CHST15: variants seen among roughly 807,000 people sequenced by gnomAD.
CHST15 encodes B cell RAG associated protein (GALNAC4S-6ST).
In CHST15, 30 loss-of-function variants were observed where a neutral mutation model predicts 53.6. That is an observed-to-expected ratio of 0.56 (90% CI 0.42 to 0.76). CHST15 has a LOEUF of 0.76. Among genes scored for constraint, CHST15 ranks in the 30% least tolerant of loss-of-function variants. The pLI is 0.00. For missense variants in CHST15, 627 were observed against 740.5 expected, an observed-to-expected ratio of 0.85 and a Z score of 1.78; for synonymous variants, 296 against 289.8, an observed-to-expected ratio of 1.02 and a Z score of -0.22.
intron 1 of CHST15, among the ~76,000 whole-genome samples, chr10:124,091,081 T>G (rs1378432896): frequency 6.6e-6 from 1 of 152,246 alleles, no homozygotes. Flanking sequence ...ACCAGCTCTG[T>G]GTGCCCATCT....
rs140979493 is a variant in CHST15 at position 124,016,237 on chromosome 10, G to A, written c.1348-3757C>T. On this transcript the variant is annotated intron_variant, in intron 6 of 7. Transcript: ENST00000435907. ...CTGCATCCGGGTGCCACAGGAAGGCGGTGAATGACTCCAGCAGGGTGTGCC... is the reference window on the plus strand; with the variant it reads ...CTGCATCCGGGTGCCACAGGAAGGCAGTGAATGACTCCAGCAGGGTGTGCC... Among the ~76,000 whole-genome samples, 494 of 152,170 alleles carry A rather than the reference G, an allele frequency of 3.2e-3. 2 individuals carry two copies. The highest frequency in any genetic ancestry group is 6.8e-3 in the Middle Eastern group (2 of 294).
At chr10:124,062,091 C>G (rs1189118420) in intron 1 of CHST15, among the ~76,000 whole-genome samples, 1 of 151,978 alleles carries the variant, frequency 6.6e-6, no homozygotes, top group Non-Finnish European at 1.5e-5. Flanking sequence ...GGACATTTTC[C>G]CTTGTCTTCT....
At chr10:124,010,831 TG>T in intron 7 of CHST15, 1 of 985,434 alleles carries the variant, frequency 1.0e-6, no homozygotes, top group Non-Finnish European at 1.2e-6. Flanking sequence ...TGCGTCTTGC[TG>T]TGAAGTGGCC....
At chr10:124,070,630 C>T (rs910960553) in intron 1 of CHST15, among the ~76,000 whole-genome samples, 12 of 152,136 alleles carry the variant, frequency 7.9e-5, no homozygotes, top group Non-Finnish European at 1.8e-4. Flanking sequence ...CTGGCCGGGG[C>T]CTCCTAAAGT....
intron 1 of CHST15, among the ~76,000 whole-genome samples, chr10:124,054,629 A>C (rs1214626477): frequency 6.6e-6 from 1 of 152,190 alleles, no homozygotes; most frequent in Non-Finnish European, 1.5e-5. Context: ...GGAGTTGGGC[A>C]GACCTGCATT....
intron 6 of CHST15, 169 bp downstream of exon 6, chr10:124,021,087 T>C: frequency 6.8e-7 from 1 of 1,475,462 alleles, no homozygotes. Flanking sequence ...GCCCATCAGT[T>C]TTCAGCTTTT....
chr10:124,077,244 G>A (rs1232091720), intron 1 of CHST15, among the ~76,000 whole-genome samples: 1 of 152,136 alleles, frequency 6.6e-6, no homozygotes, highest in South Asian at 2.1e-4. Context: ...CCTTTCCTGG[G>A]GCATGTCAGA....
intron 1 of CHST15, among the ~76,000 whole-genome samples, chr10:124,054,599 A>G (rs893144664): frequency 2.0e-5 from 3 of 152,174 alleles, no homozygotes; most frequent in African/African-American, 7.2e-5. Context: ...AGTCGAAAAT[A>G]AGACATTATG....
At chr10:124,070,447 C>T (rs1307888773) in intron 1 of CHST15, among the ~76,000 whole-genome samples, 1 of 152,168 alleles carries the variant, frequency 6.6e-6, no homozygotes, top group African/African-American at 2.4e-5. Context: ...GGCTCGATCT[C>T]GGCTCACTGC....
chr10:124,036,105 C>A lies in CHST15; in HGVS notation c.1190+2410G>T, dbSNP rs948116854. Among the ~76,000 whole-genome samples, 1 of 152,244 alleles carries A rather than the reference C, an allele frequency of 6.6e-6. No individual in the cohort carries two copies. The highest frequency in any genetic ancestry group is 6.5e-5 in the Admixed American group (1 of 15,290). On this transcript the variant is annotated intron_variant, in intron 5 of 7. Coordinates refer to ENST00000435907, the MANE Select transcript of CHST15 (RefSeq NM_001270764.2). The surrounding 1 kb of genome is among the most constrained non-coding windows in gnomAD (Gnocchi z 5.1). ...GCGACAGGAAAACATTTGATGAGCA[C>A]ACCGAGCACTTGCGCCCTTCAGCTG...
chr10:124,066,145 A>G (rs1948744134), intron 1 of CHST15, among the ~76,000 whole-genome samples: 1 of 152,174 alleles, frequency 6.6e-6, no homozygotes, highest in South Asian at 2.1e-4. Flanking sequence ...GAGTGCCTCC[A>G]TTTAATCAAT....
chr10:124,037,409 A>C, intron 5 of CHST15, among the ~76,000 whole-genome samples: 1 of 152,194 alleles, frequency 6.6e-6, no homozygotes, highest in Non-Finnish European at 1.5e-5. Flanking sequence ...GAGAAGAAAG[A>C]GGACCAATGA....
At chr10:124,022,727 C>T (rs1004390180) in intron 5 of CHST15, among the ~76,000 whole-genome samples, 1 of 152,110 alleles carries the variant, frequency 6.6e-6, no homozygotes, top group Non-Finnish European at 1.5e-5. Context: ...GTTGGTTTAG[C>T]CAGAATCCCC....
At chr10:124,035,355 T>C (rs1428583188) in intron 5 of CHST15, among the ~76,000 whole-genome samples, 3 of 120,700 alleles carry the variant, frequency 2.5e-5, no homozygotes, top group African/African-American at 6.4e-5. Context: ...ACAGGGACCC[T>C]GGCTCCACTC....
In CHST15 at chr10:124,010,379, T is replaced by C. The variant is rs1946378949; in HGVS notation, c.1496-40A>G. On this transcript the variant is annotated intron_variant, in intron 7 of 7. Coordinates refer to ENST00000435907, the MANE Select transcript of CHST15 (RefSeq NM_001270764.2). ...GACGAGTCCCGTAAGGCAGGAGGCA[T>C]GGCAGGAAGTAAAAGGGACTTTGCA... 4.0e-6 allele frequency: 6 copies of C among 1,503,742 alleles called. No homozygotes were observed. The South Asian group carries it at 6.6e-5, about 17-fold the overall frequency. 93.1% of individuals were successfully genotyped at this position (1,503,742 alleles called of 1,614,324 possible).
intron 1 of CHST15, among the ~76,000 whole-genome samples, chr10:124,080,208 GA>G (rs1480712118): frequency 6.6e-6 from 1 of 152,240 alleles, no homozygotes; most frequent in Non-Finnish European, 1.5e-5. Context: ...GGATGCAGAA[GA>G]GAAGAAAATC....
intron 1 of CHST15, among the ~76,000 whole-genome samples, chr10:124,072,191 C>T (rs1948937264): frequency 6.6e-6 from 1 of 152,194 alleles, no homozygotes; most frequent in South Asian, 2.1e-4. Flanking sequence ...TCCTTCCTTC[C>T]AAGTCTCCTT....
At chr10:124,084,621 C>T (rs944051020) in intron 1 of CHST15, among the ~76,000 whole-genome samples, 1 of 152,132 alleles carries the variant, frequency 6.6e-6, no homozygotes, top group African/African-American at 2.4e-5. Flanking sequence ...CTAAACAGCC[C>T]CCAGGAATCC....
At chr10:124,092,517 C>T (rs939378384) in intron 1 of CHST15, 5 of 152,288 alleles carry the variant, frequency 3.3e-5, no homozygotes, top group Non-Finnish European at 2.9e-5. Context: ...GTTCACACCG[C>T]TCGGGGCTCA....
Sources: allele counts gnomAD v4.1 joint callset (sites outside exome capture counted in the v4.1 genomes callset), GRCh38; gene constraint gnomAD v4.1.1; non-coding constraint Gnocchi (gnomAD v3.1); transcripts MANE v1.5; gene names NCBI Gene and HGNC (gene_info 2026-07-23, HGNC 2026-07-21).